The following DTD1 variants were observed in gnomAD, a reference collection of about 807,000 sequenced individuals.
The protein encoded by DTD1 is D-tyrosyl-tRNA deacylase 1 homolog.
In DTD1, 13 loss-of-function variants were observed where a neutral mutation model predicts 25.6. The ratio of observed to expected loss-of-function variants is 0.51; its 90% CI spans 0.33 to 0.81. The LOEUF (loss-of-function observed/expected upper bound fraction) is 0.81. Among genes scored for constraint, DTD1 ranks in the 30% least tolerant of loss-of-function variants. The pLI is 0.02. For synonymous variants in DTD1, 110 were observed against 103.6 expected (o/e 1.06, Z -0.37); for missense variants, 193 against 266.4 (o/e 0.72, Z 1.92).
At chr20:18,648,463 C>T (rs1216160239) in intron 4 of DTD1, among the ~76,000 whole-genome samples, 1 of 152,126 alleles carries the variant, frequency 6.6e-6, no homozygotes, top group Non-Finnish European at 1.5e-5. Context: ...CAGTGCCTTG[C>T]TTGGGGACCT....
chr20:18,685,676 T>G (rs1433587182), intron 4 of DTD1, among the ~76,000 whole-genome samples: 1 of 152,210 alleles, frequency 6.6e-6, no homozygotes, highest in Non-Finnish European at 1.5e-5. Context: ...AAAAACCAAA[T>G]CAGCACATTT....
intron 3 of DTD1, among the ~76,000 whole-genome samples, chr20:18,616,376 G>T (rs958045939): frequency 2.0e-5 from 3 of 151,982 alleles, no homozygotes; most frequent in Non-Finnish European, 4.4e-5. Context: ...ATCTACTTTC[G>T]TTATTAAACC....
intron 4 of DTD1, among the ~76,000 whole-genome samples, chr20:18,712,071 C>CAA (rs374346099): frequency 0.011 from 1,450 of 136,168 alleles, 12 homozygotes; most frequent in East Asian, 0.019. Flanking sequence ...GACTCCGTCT[C>CAA]AAAAAAAAAA....
chr20:18,692,911 T>TG (rs2061053088), intron 4 of DTD1, among the ~76,000 whole-genome samples: 3 of 149,590 alleles, frequency 2.0e-5, no homozygotes, highest in Non-Finnish European at 4.5e-5. Flanking sequence ...TTTTTTTTTT[T>TG]GAGACAGAGT....
Position 18,691,403 on chromosome 20 carries a change from G to A in DTD1, c.478-52697G>A, listed in dbSNP as rs138834869. ...GCAGTGGACACATAAAGAAAATATG[G>A]TACATATACCCCATGGAATGCTCTG... On this transcript the variant is annotated intron_variant, in intron 4 of 5. Coordinates refer to ENST00000377452, the MANE Select transcript of DTD1 (RefSeq NM_080820.6). 2.6e-3 allele frequency among the ~76,000 whole-genome samples: 403 copies of A among 152,254 alleles called. 2 individuals carry two copies. The highest frequency in any genetic ancestry group is 9.3e-3 in the African/African-American group (387 of 41,532).
chr20:18,630,169 A>G (rs958785917), intron 4 of DTD1, among the ~76,000 whole-genome samples: 1 of 152,120 alleles, frequency 6.6e-6, no homozygotes. Context: ...TAAGCTTTTT[A>G]TTGTGAAATA....
In DTD1 at chr20:18,764,286, A is replaced by G. The variant is rs978752112; in HGVS notation, c.*946A>G. On this transcript the variant is annotated 3_prime_UTR_variant, in exon 6 of 6. Transcript: ENST00000377452. The stretch of plus-strand genomic sequence containing the variant: ...TTATCCAGTAGCTACATGGTTGTCC[A>G]TGTATCCAAGTCACCACACCCAGCA... 6 of 152,222 alleles carry G rather than the reference A, an allele frequency of 3.9e-5. No individual in the cohort carries two copies. The highest frequency in any genetic ancestry group is 1.4e-4 in the African/African-American group (6 of 41,450). The allele number at this position is 152,222 out of a possible 1,614,324, so 9.4% of individuals were successfully genotyped here.
chr20:18,669,741 T>A lies in DTD1; in HGVS notation c.477+41508T>A, dbSNP rs527714767. Among the ~76,000 whole-genome samples, 5 of 152,278 alleles carry A rather than the reference T, an allele frequency of 3.3e-5. No individual in the cohort carries two copies. The East Asian group carries it at 9.7e-4, about 29-fold the overall frequency. ...AACTTGAGGCCTTATCACTCCAAAC[T>A]GGGTTATTCCAATCGCTCCCGGGGG... On this transcript the variant is annotated intron_variant, in intron 4 of 5. Coordinates refer to ENST00000377452, the MANE Select transcript of DTD1 (RefSeq NM_080820.6).
chr20:18,656,082 C>CT (rs1217880138), intron 4 of DTD1, among the ~76,000 whole-genome samples: 1 of 151,908 alleles, frequency 6.6e-6, no homozygotes, highest in Non-Finnish European at 1.5e-5. Flanking sequence ...CATTTGTTTT[C>CT]TTTTTTTTCC....
chr20:18,696,400 C>T (rs2061076680), intron 4 of DTD1, among the ~76,000 whole-genome samples: 1 of 152,118 alleles, frequency 6.6e-6, no homozygotes, highest in Admixed American at 6.5e-5. Flanking sequence ...TTTGGTTACC[C>T]CAGCCCTTCA....
intron 4 of DTD1, among the ~76,000 whole-genome samples, chr20:18,709,093 G>A (rs1352854530): frequency 6.6e-6 from 1 of 152,172 alleles, no homozygotes; most frequent in Non-Finnish European, 1.5e-5. Flanking sequence ...GTCTTCACAT[G>A]TTTTGCAAGC....
intron 4 of DTD1, among the ~76,000 whole-genome samples, chr20:18,727,480 C>T (rs530903893): frequency 6.6e-6 from 1 of 152,138 alleles, no homozygotes; most frequent in African/African-American, 2.4e-5. Context: ...CTTGATGATG[C>T]TCTTCGGCCC....
chr20:18,601,251 G>A (rs1414997917), intron 3 of DTD1, among the ~76,000 whole-genome samples: 1 of 152,128 alleles, frequency 6.6e-6, no homozygotes, highest in Non-Finnish European at 1.5e-5. Context: ...TGTAATCCCA[G>A]CGCTTTGGGA....
intron 5 of DTD1, among the ~76,000 whole-genome samples, chr20:18,746,064 A>G (rs535145321): frequency 5.9e-5 from 9 of 152,308 alleles, no homozygotes; most frequent in Non-Finnish European, 1.0e-4. Context: ...AAGAGGAGAC[A>G]TCCAGAAGGA....
chr20:18,699,269 C>T (rs2061092723), intron 4 of DTD1, among the ~76,000 whole-genome samples: 3 of 152,206 alleles, frequency 2.0e-5, no homozygotes, highest in African/African-American at 7.2e-5. Context: ...CCACCTGAGG[C>T]AGCGGTGTTC....
chr20:18,720,160 C>G (rs1446475618), intron 4 of DTD1, among the ~76,000 whole-genome samples: 1 of 152,140 alleles, frequency 6.6e-6, no homozygotes, highest in Admixed American at 6.5e-5. Context: ...GGAGTATATG[C>G]CACACTCAGG....
At chr20:18,705,618 A>G (rs534638955) in intron 4 of DTD1, among the ~76,000 whole-genome samples, 3 of 151,984 alleles carry the variant, frequency 2.0e-5, no homozygotes, top group Non-Finnish European at 4.4e-5. Flanking sequence ...CTTTCATCAC[A>G]TGATGGTGAG....
rs796918448 is a variant in DTD1 at position 18,744,636 on chromosome 20, C to CAAA, written c.*19+375_*19+377dup. ...CTGGTGACAGAGCAAGACTCCATCT[C>CAAA]AAAAAAAAAAAACAAAAAACAAGTG... On this transcript the variant is annotated intron_variant, in intron 5 of 5. Transcript: ENST00000377452. Among the ~76,000 whole-genome samples, 60 of 11,316 alleles carry CAAA rather than the reference C, an allele frequency of 5.3e-3. 1 individual carries two copies. Among genetic ancestry groups the CAAA allele is most frequent in the Middle Eastern group, 0.062 (1 of 16 alleles). 7.4% of individuals were successfully genotyped at this position (11,316 alleles called of 152,430 possible).
chr20:18,626,104 C>T (rs1469720358), intron 3 of DTD1, among the ~76,000 whole-genome samples: 1 of 152,210 alleles, frequency 6.6e-6, no homozygotes, highest in East Asian at 1.9e-4. Context: ...CTACCATGGA[C>T]AGTGGTAGGC....
Sources: gnomAD v4.1 joint callset for allele counts (sites outside exome capture counted in the v4.1 genomes callset) on GRCh38, gnomAD v4.1.1 for gene constraint, MANE v1.5 for transcripts, NCBI Gene and HGNC (gene_info 2026-07-23, HGNC 2026-07-21) for gene names.